The following MSR1 variants were observed in gnomAD, a reference collection of about 807,000 sequenced individuals.
MSR1 encodes the protein macrophage scavenger receptor types I and II.
A neutral mutation model predicts 47.2 loss-of-function variants in MSR1; 53 were observed. That is an observed-to-expected ratio of 1.12 (90% CI 0.90 to 1.41). MSR1 has a LOEUF of 1.41. Among genes scored for constraint, MSR1 ranks in the 40% most tolerant of loss-of-function variants. The probability of loss-of-function intolerance (pLI) is 0.00; values close to 1 mark genes in which losing one functional copy is unlikely to be tolerated. For missense variants in MSR1, 786 were observed against 546.9 expected (o/e 1.44, Z -4.36); for synonymous variants, 239 against 185.6 (o/e 1.29, Z -2.34).
chr8:16,176,125 CT>C (rs1470303694), intron 2 of MSR1, among the ~76,000 whole-genome samples: 1 of 152,050 alleles, frequency 6.6e-6, no homozygotes, highest in Non-Finnish European at 1.5e-5. Context: ...GTAAATGTTG[CT>C]TTCAGGTTGC....
In MSR1 at chr8:16,109,606, T is replaced by C. The variant is rs1307473037; in HGVS notation, c.*479A>G. 2 of 171,244 alleles carry C rather than the reference T, an allele frequency of 1.2e-5. No individual in the cohort carries two copies. Among genetic ancestry groups the C allele is most frequent in the Admixed American group, 1.1e-4 (2 of 18,004 alleles). 10.6% of individuals were successfully genotyped at this position (171,244 alleles called of 1,614,324 possible). A position where few individuals can be genotyped will look rare whatever the true frequency, so the allele number is the denominator to read the frequency against. On this transcript the variant is annotated 3_prime_UTR_variant, in exon 10 of 10. Coordinates refer to ENST00000262101, the MANE Select transcript of MSR1 (RefSeq NM_138715.3). Reference sequence around the variant, plus strand: ...TCTTAATAGTTGGATAACATTCTTATTTTAAAACAATATGTGTGGATTGGA... The same window carrying C: ...TCTTAATAGTTGGATAACATTCTTACTTTAAAACAATATGTGTGGATTGGA...
At chr8:16,164,669 A>G (rs1801256384) in intron 4 of MSR1, among the ~76,000 whole-genome samples, 1 of 152,022 alleles carries the variant, frequency 6.6e-6, no homozygotes, top group Non-Finnish European at 1.5e-5. Context: ...ATTGTTTTAT[A>G]GTAATAAGTG....
chr8:16,120,618 A>T lies in MSR1; in HGVS notation c.1034-12T>A, dbSNP rs1799980992. 3.0e-5 allele frequency: 2 copies of T among 67,702 alleles called. No homozygotes were observed. Among genetic ancestry groups the T allele is most frequent in the Admixed American group, 1.7e-4 (1 of 5,854 alleles). 4.2% of individuals were successfully genotyped at this position (67,702 alleles called of 1,614,324 possible). A position where few individuals can be genotyped will look rare whatever the true frequency, so the allele number is the denominator to read the frequency against. ...TTTCGTAAATGGAGCTGTAAAGTTA[A>T]AAAAAAAAAAAAAAAAAAAAAAAGG... On this transcript the variant is annotated splice_polypyrimidine_tract_variant and intron_variant, in intron 8 of 9. Transcript: ENST00000262101.
At chr8:16,156,001 A>T (rs768693932) in intron 5 of MSR1, among the ~76,000 whole-genome samples, 8 of 151,858 alleles carry the variant, frequency 5.3e-5, no homozygotes. Flanking sequence ...CCTGCTCATC[A>T]TGCCTTTAAA....
chr8:16,135,709 T>C (rs570530759), intron 8 of MSR1, among the ~76,000 whole-genome samples: 1 of 152,274 alleles, frequency 6.6e-6, no homozygotes, highest in African/African-American at 2.4e-5. Context: ...AATTGAAAAC[T>C]TTTTGGAAAG....
intron 1 of MSR1, among the ~76,000 whole-genome samples, chr8:16,180,715 G>C (rs1476417471): frequency 2.0e-5 from 3 of 152,178 alleles, no homozygotes; most frequent in South Asian, 4.1e-4. Context: ...ACTGTGGGGA[G>C]AGGCAGTGAC....
In MSR1 at chr8:16,110,108, C is replaced by T. The variant is rs1799723690; in HGVS notation, c.1333G>A (p.Ala445Thr). 1.9e-6 allele frequency: 3 copies of T among 1,613,558 alleles called. No individual in the cohort carries two copies. Among genetic ancestry groups the T allele is most frequent in the Non-Finnish European group, 2.5e-6 (3 of 1,179,738 alleles). Residue 445 changes from alanine to threonine, a missense_variant, in exon 10 of 10, where the codon GCT becomes ACT. Transcript: ENST00000262101. ...CATTATAAAGTGCAAGTGACTCCAG[C>T]ATCTTCAGAATGTGAACAGGCTCTT... ...GTRACSHSED[A>T]GVTCTL
At chr8:16,140,765 G>C (rs906928362) in intron 8 of MSR1, 2 of 1,440,940 alleles carry the variant, frequency 1.4e-6, no homozygotes, top group South Asian at 2.9e-5. Context: ...ATAGGGGAGA[G>C]AGGTGATGGT....
chr8:16,140,556 A>G, intron 8 of MSR1: 2 of 1,021,220 alleles, frequency 2.0e-6, no homozygotes, highest in Non-Finnish European at 2.3e-6. Flanking sequence ...GCCTCACACA[A>G]GTGTTATATT....
At chr8:16,188,995 TATA>T (rs1802084680) in intron 1 of MSR1, among the ~76,000 whole-genome samples, 1 of 141,516 alleles carries the variant, frequency 7.1e-6, no homozygotes, top group African/African-American at 2.7e-5. Flanking sequence ...TATATATATA[TATA>T]AAACAACATA....
rs1300550912 is a variant in MSR1, at chr8:16,139,759, AAAAAAAAAAAAAAAAATATATAT to A, written c.1033+3776_1033+3798del. 57 of 158,634 alleles carry A rather than the reference AAAAAAAAAAAAAAAAATATATAT, an allele frequency of 3.6e-4. No homozygotes were observed. The African/African-American group carries it at 4.5e-3, about 12-fold the overall frequency. The allele number at this position is 158,634 out of a possible 1,614,324, so 9.8% of individuals were successfully genotyped here. On this transcript the variant is annotated intron_variant, in intron 8 of 9. Coordinates refer to ENST00000262101, the MANE Select transcript of MSR1 (RefSeq NM_138715.3). ...ACACTTCAAAACTTAAAAAAAAAAA[AAAAAAAAAAAAAAAAATATATAT>A]ATATATATATATATATATATATATA...
At position 16,170,347 on chromosome 8, in the gene MSR1, C is replaced by CAA. The variant is rs11300796; in HGVS notation, c.218-1479_218-1478dup. 3.2e-3 allele frequency among the ~76,000 whole-genome samples: 458 copies of CAA among 144,212 alleles called. 3 individuals are homozygous for CAA. The highest frequency in any genetic ancestry group is 0.011 in the African/African-American group (420 of 39,366). The allele number at this position is 144,212 out of a possible 152,430, so 94.6% of individuals were successfully genotyped here. ...TGGGCAACAGAGTGAGATTCCATCT[C>CAA]AAAAAAAAAAAAACAAAACATGAAT... is the stretch of plus-strand genomic sequence containing the variant. On this transcript the variant is annotated intron_variant, in intron 3 of 9. Coordinates refer to ENST00000262101, the MANE Select transcript of MSR1 (RefSeq NM_138715.3).
chr8:16,148,025 T>C (rs1432441858), intron 7 of MSR1, among the ~76,000 whole-genome samples: 1 of 152,112 alleles, frequency 6.6e-6, no homozygotes, highest in African/African-American at 2.4e-5. Context: ...TCCTGGTGAT[T>C]CCAACACCTA....
At chr8:16,132,606 GC>G (rs991976882) in intron 8 of MSR1, among the ~76,000 whole-genome samples, 4 of 152,010 alleles carry the variant, frequency 2.6e-5, no homozygotes, top group African/African-American at 9.7e-5. Context: ...TCCTGCCTCA[GC>G]CCCCCAAGTA....
chr8:16,161,417 G>A (rs1427095570), intron 5 of MSR1, among the ~76,000 whole-genome samples: 1 of 151,830 alleles, frequency 6.6e-6, no homozygotes, highest in East Asian at 1.9e-4. Context: ...AATCCAAAGT[G>A]GAGGTATCTA....
At chr8:16,143,424 T>C (rs1164647337) in intron 8 of MSR1, 134 bp downstream of exon 8, 8 of 652,824 alleles carry the variant, frequency 1.2e-5, no homozygotes, top group African/African-American at 1.8e-5. Context: ...TTGTAGAAAA[T>C]TATGTTTGGC....
At chr8:16,152,035 T>C (rs948416580) in intron 6 of MSR1, among the ~76,000 whole-genome samples, 5 of 152,160 alleles carry the variant, frequency 3.3e-5, no homozygotes, top group Non-Finnish European at 7.4e-5. Flanking sequence ...GAAAAGTGCC[T>C]GGCATGTAAT....
At chr8:16,139,996 A>T in intron 8 of MSR1, 1 of 565,590 alleles carries the variant, frequency 1.8e-6, no homozygotes, top group Non-Finnish European at 2.2e-6. Context: ...TACATCTCTT[A>T]GGGACAATTA....
intron 7 of MSR1, among the ~76,000 whole-genome samples, chr8:16,144,923 T>C (rs950608148): frequency 6.6e-5 from 10 of 152,110 alleles, no homozygotes; most frequent in Admixed American, 2.0e-4. Flanking sequence ...TAGTTTACAT[T>C]GTCTTCATCT....
Sources: gnomAD v4.1 joint callset for allele counts (sites outside exome capture counted in the v4.1 genomes callset) on GRCh38, gnomAD v4.1.1 for gene constraint, MANE v1.5 for transcripts, NCBI Gene and HGNC (gene_info 2026-07-23, HGNC 2026-07-21) for gene names.